The following PCED1B variants were observed in gnomAD, a reference collection of about 807,000 sequenced individuals.
PCED1B encodes the protein PC-esterase domain containing 1B, also known as PC-esterase domain-containing protein 1B.
For synonymous variants in PCED1B, 251 were observed against 246.1 expected (o/e 1.02, Z -0.19); for missense variants, 573 against 573.9 (o/e 1.00, Z 0.02).
chr12:47,084,853 A>T (rs771273730), intron 1 of PCED1B, among the ~76,000 whole-genome samples: 3 of 152,196 alleles, frequency 2.0e-5, no homozygotes, highest in African/African-American at 4.8e-5. Context: ...GAAAACATTT[A>T]GGCTGGGATC....
intron 2 of PCED1B, among the ~76,000 whole-genome samples, chr12:47,211,432 A>T (rs1282914758): frequency 6.6e-6 from 1 of 151,228 alleles, no homozygotes; most frequent in African/African-American, 2.4e-5. Context: ...CATGTGGATC[A>T]CTTGAGGCCA....
At position 47,235,490 on chromosome 12, in the gene PCED1B, C is replaced by T; in HGVS notation, c.427C>T (p.Leu143=). 1.2e-6 allele frequency: 2 copies of T among 1,613,538 alleles called. No individual in the cohort carries two copies. Among genetic ancestry groups the T allele is most frequent in the Non-Finnish European group, 1.7e-6 (2 of 1,179,634 alleles). The change falls in exon 4 of 4, where the codon CTG becomes TTG. Residue 143 remains leucine (L), a synonymous_variant. Transcript: ENST00000546455. The part of the protein sequence containing the change: ...PNSWRSYLEN[L]ENLFQCLGQV... ...CTCCTGGAGAAGCTACCTGGAGAAC[C>T]TGGAGAACCTGTTCCAGTGCCTGGG...
At chr12:47,099,646 A>T (rs11183728) in intron 1 of PCED1B, among the ~76,000 whole-genome samples, 58,909 of 151,928 alleles carry the variant, frequency 0.39, 12,053 homozygotes, top group Admixed American at 0.53. Flanking sequence ...CCTCTGCACT[A>T]CCATGCGCCC....
intron 3 of PCED1B, chr12:47,223,636 G>A (rs1943551466): frequency 6.6e-6 from 1 of 152,276 alleles, no homozygotes; most frequent in African/African-American, 2.4e-5. Flanking sequence ...CGGGAGCGAA[G>A]TCCCTGAGCT....
chr12:47,135,637 G>A (rs911056708), intron 2 of PCED1B: 2 of 503,964 alleles, frequency 4.0e-6, no homozygotes, highest in East Asian at 5.3e-5. Flanking sequence ...CCTGTCCATA[G>A]ACTTCCTGTC....
At chr12:47,144,968 A>C (rs887344325) in intron 2 of PCED1B, among the ~76,000 whole-genome samples, 5 of 152,270 alleles carry the variant, frequency 3.3e-5, no homozygotes, top group African/African-American at 1.2e-4. Flanking sequence ...GATTAAGCTT[A>C]CTGAGGAACC....
At chr12:47,112,120 A>G (rs1939224964) in intron 2 of PCED1B, among the ~76,000 whole-genome samples, 1 of 152,210 alleles carries the variant, frequency 6.6e-6, no homozygotes. Flanking sequence ...CAGTAAGAAT[A>G]GGAGAATCAA....
At position 47,086,236 on chromosome 12, in the gene PCED1B, C is replaced by T. The variant is rs117125195; in HGVS notation, c.-609+6511C>T. Among the ~76,000 whole-genome samples, 123 of 152,018 alleles carry T rather than the reference C, an allele frequency of 8.1e-4. No homozygotes were observed. In the East Asian group the frequency reaches 0.022, roughly 27 times the overall value. ...CCCGATGGCACATTCTTAGTCCAGC[C>T]TTGGTGAAGGTGGCATGGTCCCCTG... On this transcript the variant is annotated intron_variant, in intron 1 of 3. Coordinates refer to ENST00000546455, the MANE Select transcript of PCED1B (RefSeq NM_138371.3).
chr12:47,161,854 G>T (rs1274620722), intron 2 of PCED1B, among the ~76,000 whole-genome samples: 2 of 152,244 alleles, frequency 1.3e-5, no homozygotes, highest in Admixed American at 1.3e-4. Flanking sequence ...CAAAGACTTG[G>T]AACCAACCCA....
chr12:47,198,114 T>C (rs763680165), intron 2 of PCED1B, among the ~76,000 whole-genome samples: 2 of 152,218 alleles, frequency 1.3e-5, no homozygotes, highest in Non-Finnish European at 2.9e-5. Flanking sequence ...CAGACTCATA[T>C]CTTTCACAAT....
intron 2 of PCED1B, among the ~76,000 whole-genome samples, chr12:47,156,330 A>C (rs1006652946): frequency 2.0e-5 from 3 of 152,202 alleles, no homozygotes; most frequent in African/African-American, 7.2e-5. Flanking sequence ...TCAGTCAAAC[A>C]GGAACAGGAT....
chr12:47,163,161 G>C (rs1941441499), intron 2 of PCED1B, among the ~76,000 whole-genome samples: 1 of 147,462 alleles, frequency 6.8e-6, no homozygotes, highest in Non-Finnish European at 1.5e-5. Context: ...TAGTATGTAA[G>C]TATTTAATTC....
intron 2 of PCED1B, among the ~76,000 whole-genome samples, chr12:47,169,506 T>C (rs1012487000): frequency 5.3e-5 from 8 of 152,196 alleles, no homozygotes; most frequent in African/African-American, 1.9e-4. Flanking sequence ...CCCCATCATT[T>C]CAATAGTTTT....
chr12:47,089,285 T>G (rs981149374), intron 1 of PCED1B, among the ~76,000 whole-genome samples: 15 of 150,882 alleles, frequency 9.9e-5, no homozygotes, highest in African/African-American at 2.9e-4. Context: ...ACTAAAAATA[T>G]GAAAACAAAA....
intron 1 of PCED1B, among the ~76,000 whole-genome samples, chr12:47,087,839 T>C (rs2137157214): frequency 6.6e-6 from 1 of 152,322 alleles, no homozygotes; most frequent in Non-Finnish European, 1.5e-5. Context: ...TGAATCCCTA[T>C]TGGTCATCTT....
intron 3 of PCED1B, among the ~76,000 whole-genome samples, chr12:47,234,071 C>T (rs1397130032): frequency 6.6e-6 from 1 of 152,198 alleles, no homozygotes; most frequent in Non-Finnish European, 1.5e-5. Context: ...CACTGGCAAC[C>T]TTTGCCTCCT....
At chr12:47,081,717 A>G (rs1159203481) in intron 1 of PCED1B, among the ~76,000 whole-genome samples, 2 of 152,232 alleles carry the variant, frequency 1.3e-5, no homozygotes, top group African/African-American at 4.8e-5. Context: ...AATCGCTCAG[A>G]GGAATATTTT....
intron 2 of PCED1B, among the ~76,000 whole-genome samples, chr12:47,142,148 G>A (rs937166036): frequency 6.6e-6 from 1 of 152,136 alleles, no homozygotes; most frequent in Non-Finnish European, 1.5e-5. Flanking sequence ...CAAAAACTTA[G>A]AGACAGTTGA....
chr12:47,226,876 A>G (rs1943647786), intron 3 of PCED1B, among the ~76,000 whole-genome samples: 2 of 152,180 alleles, frequency 1.3e-5, no homozygotes, highest in Non-Finnish European at 2.9e-5. Flanking sequence ...TTTATTTTTT[A>G]TAAATAAAAA....
Sources: allele counts gnomAD v4.1 joint callset (sites outside exome capture counted in the v4.1 genomes callset), GRCh38; gene constraint gnomAD v4.1.1; transcripts MANE v1.5; gene names NCBI Gene and HGNC (gene_info 2026-07-23, HGNC 2026-07-21).